Variants in CACNA1C observed in about 807,000 individuals in gnomAD.
CACNA1C encodes the protein voltage-dependent L-type calcium channel subunit alpha-1C.
In CACNA1C, 30 loss-of-function variants were observed where a neutral mutation model predicts 229.0. The observed-to-expected ratio is 0.13, with a 90% CI of 0.10 to 0.18. CACNA1C has a LOEUF of 0.18. Ranked by LOEUF, CACNA1C falls within the 10% of genes least tolerant of loss-of-function variation. The probability of loss-of-function intolerance (pLI) is 1.00; values close to 1 mark genes in which losing one functional copy is unlikely to be tolerated. For synonymous variants in CACNA1C, 1,114 were observed against 1,132.5 expected, an observed-to-expected ratio of 0.98 and a Z score of 0.33; for missense variants, 1,658 against 2,845.0, an observed-to-expected ratio of 0.58 and a Z score of 9.49.
intron 43 of CACNA1C, among the ~76,000 whole-genome samples, chr12:2,685,068 C>T (rs947576950): frequency 6.6e-6 from 1 of 152,182 alleles, no homozygotes; most frequent in Non-Finnish European, 1.5e-5. Flanking sequence ...GACTGGGACT[C>T]ACCAGGGTGC....
At chr12:2,128,934 C>T (rs762272395) in intron 3 of CACNA1C, among the ~76,000 whole-genome samples, 6 of 152,192 alleles carry the variant, frequency 3.9e-5, no homozygotes, top group African/African-American at 7.2e-5. Context: ...AGCCCTGAAG[C>T]GAAGTCATGG....
At chr12:2,554,148 T>C (rs1365533797) in intron 10 of CACNA1C, among the ~76,000 whole-genome samples, 2 of 152,206 alleles carry the variant, frequency 1.3e-5, no homozygotes, top group Non-Finnish European at 2.9e-5. Flanking sequence ...AGTTCAAATA[T>C]GTCTCAAATA....
rs1056834694 is a variant in CACNA1C at position 2,504,056 on chromosome 12, G to A, written c.1114-786G>A. ...TCATACACCAAGGTCAGGGGCCTCC[G>A]GGTGCAACAGAAGGCTTAATGTCCA... On this transcript the variant is annotated intron_variant, in intron 7 of 46. Coordinates refer to ENST00000399655, the MANE Select transcript of CACNA1C (RefSeq NM_000719.7). This position sits in a 1 kb window ranked among gnomAD's most constrained non-coding sequence, Gnocchi z 6.8. Among the ~76,000 whole-genome samples, 5 of 152,220 alleles carry A rather than the reference G, an allele frequency of 3.3e-5. No homozygotes were observed. Among genetic ancestry groups the A allele is most frequent in the South Asian group, 2.1e-4 (1 of 4,832 alleles).
intron 3 of CACNA1C, among the ~76,000 whole-genome samples, chr12:2,166,073 A>C (rs1371208583): frequency 6.6e-6 from 1 of 152,240 alleles, no homozygotes; most frequent in Non-Finnish European, 1.5e-5. Flanking sequence ...TTATCCATTA[A>C]TCCCATTAGT....
Position 2,678,203 on chromosome 12 carries a change from G to A in CACNA1C, c.5091+336G>A, listed in dbSNP as rs530029186. Among the ~76,000 whole-genome samples, 191 of 152,328 alleles carry A rather than the reference G, an allele frequency of 1.3e-3. No individual in the cohort carries two copies. Among genetic ancestry groups the A allele is most frequent in the Middle Eastern group, 3.4e-3 (1 of 294 alleles). ...CCCCTGGGGCACATCTAATCTGCAG[G>A]CTTGTTTTGTTTGTTAATATTTGAA... On this transcript the variant is annotated intron_variant, in intron 41 of 46. Coordinates refer to ENST00000399655, the MANE Select transcript of CACNA1C (RefSeq NM_000719.7). This position sits in a 1 kb window ranked among gnomAD's most constrained non-coding sequence, Gnocchi z 4.1.
At chr12:2,204,076 A>G (rs912547898) in intron 3 of CACNA1C, among the ~76,000 whole-genome samples, 1 of 152,156 alleles carries the variant, frequency 6.6e-6, no homozygotes, top group African/African-American at 2.4e-5. Context: ...CAACAGTGTA[A>G]AAGTGTTCCT....
chr12:2,044,998 G>T (rs2154495517), intron 1 of CACNA1C, among the ~76,000 whole-genome samples: 1 of 152,322 alleles, frequency 6.6e-6, no homozygotes, highest in South Asian at 2.1e-4. Flanking sequence ...TCATCCTTGG[G>T]TGAGAGGGAG....
At chr12:2,511,734 C>T (rs10848667) in intron 8 of CACNA1C, among the ~76,000 whole-genome samples, 10,403 of 152,098 alleles carry the variant, frequency 0.068, 1,206 homozygotes, top group African/African-American at 0.24. Context: ...TGATGATTGC[C>T]TTCTCCTGCC....
chr12:2,541,542 C>A (rs1406870968), intron 9 of CACNA1C, among the ~76,000 whole-genome samples: 1 of 152,160 alleles, frequency 6.6e-6, no homozygotes, highest in African/African-American at 2.4e-5. Flanking sequence ...TCCCACCACA[C>A]TGGAGAAGTT....
At chr12:2,232,510 G>A (rs1395374653) in intron 3 of CACNA1C, among the ~76,000 whole-genome samples, 1 of 151,892 alleles carries the variant, frequency 6.6e-6, no homozygotes, top group Non-Finnish European at 1.5e-5. Flanking sequence ...TGGTGAAGGT[G>A]GTGTCTTTTG....
At chr12:2,620,508 G>A (rs1251070421) in intron 29 of CACNA1C, among the ~76,000 whole-genome samples, 1 of 152,194 alleles carries the variant, frequency 6.6e-6, no homozygotes, top group Non-Finnish European at 1.5e-5. Flanking sequence ...AATGGAAAGT[G>A]TTCACTCCAC....
chr12:2,197,262 T>C (rs946965559), intron 3 of CACNA1C, among the ~76,000 whole-genome samples: 1 of 152,184 alleles, frequency 6.6e-6, no homozygotes, highest in East Asian at 1.9e-4. Flanking sequence ...CCTGTTACAG[T>C]GTGTAAACTG....
At chr12:2,216,578 C>T (rs1599438369) in intron 3 of CACNA1C, among the ~76,000 whole-genome samples, 1 of 152,244 alleles carries the variant, frequency 6.6e-6, no homozygotes, top group East Asian at 1.9e-4. Flanking sequence ...AGAAGGGCCC[C>T]CCAGAAGAAG....
rs78362032 is a variant in CACNA1C at position 2,081,711 on chromosome 12, AT to A, written c.49+28108del. ...TTCATGAACCTGGCATTGCAAATGT[AT>A]TTTTTTTAAGAAGATTAAGATTTAG... is the stretch of plus-strand genomic sequence containing the variant. On this transcript the variant is annotated intron_variant, in intron 1 of 46. Coordinates refer to ENST00000399655, the MANE Select transcript of CACNA1C (RefSeq NM_000719.7). Among the ~76,000 whole-genome samples, 157 of 152,138 alleles carry A rather than the reference AT, an allele frequency of 1.0e-3. 4 individuals are homozygous for A. The East Asian group carries it at 0.027, about 27-fold the overall frequency.
intron 3 of CACNA1C, among the ~76,000 whole-genome samples, chr12:2,141,143 A>T (rs1409729276): frequency 1.3e-5 from 2 of 150,484 alleles, no homozygotes; most frequent in African/African-American, 4.9e-5. Context: ...TCAGGAGGGG[A>T]GATGAAGGAG....
intron 3 of CACNA1C, among the ~76,000 whole-genome samples, chr12:2,337,281 A>G (rs2096727224): frequency 6.6e-6 from 1 of 152,170 alleles, no homozygotes; most frequent in Admixed American, 6.5e-5. Context: ...ACCTGGCTAA[A>G]CACAGACTAG....
Position 2,555,956 on chromosome 12 carries a change from C to T in CACNA1C, c.1482-995C>T, listed in dbSNP as rs117459005. 8.1e-3 allele frequency among the ~76,000 whole-genome samples: 1,228 copies of T among 152,272 alleles called. 49 individuals are homozygous for T. In the East Asian group the frequency reaches 0.12, roughly 14 times the overall value. On this transcript the variant is annotated intron_variant, in intron 10 of 46. Transcript: ENST00000399655. ...CTCCCCATGCCTCTCCTTGTTGCTC[C>T]ACCACTGTCTCCATCCCTTTCTTCA... is the stretch of plus-strand genomic sequence containing the variant.
At chr12:2,119,276 C>T (rs1000250179) in intron 2 of CACNA1C, among the ~76,000 whole-genome samples, 9 of 151,998 alleles carry the variant, frequency 5.9e-5, no homozygotes, top group South Asian at 2.1e-4. Context: ...CCCTTCACCC[C>T]GGATCTCCAC....
intron 30 of CACNA1C, among the ~76,000 whole-genome samples, chr12:2,648,172 C>G (rs1328345502): frequency 6.6e-6 from 1 of 152,012 alleles, no homozygotes; most frequent in Non-Finnish European, 1.5e-5. Flanking sequence ...TTATAAACCT[C>G]CATCCACAAA....
Sources: allele counts gnomAD v4.1 joint callset (sites outside exome capture counted in the v4.1 genomes callset), GRCh38; gene constraint gnomAD v4.1.1; non-coding constraint Gnocchi (gnomAD v3.1); transcripts MANE v1.5; gene names NCBI Gene and HGNC (gene_info 2026-07-23, HGNC 2026-07-21).